The following SLC47A1 variants were observed in gnomAD, a reference collection of about 807,000 sequenced individuals.
SLC47A1 encodes multidrug and toxin extrusion protein 1.
SLC47A1 carries 58 observed loss-of-function variants against 65.8 expected under a neutral mutation model. The ratio of observed to expected loss-of-function variants is 0.88; its 90% CI spans 0.71 to 1.10. The LOEUF (loss-of-function observed/expected upper bound fraction) is 1.10. SLC47A1 is among the 50% of genes least tolerant of loss of function. The pLI is 0.00. For synonymous variants in SLC47A1, 285 were observed against 295.0 expected, an observed-to-expected ratio of 0.97 and a Z score of 0.35; for missense variants, 706 against 719.2, an observed-to-expected ratio of 0.98 and a Z score of 0.21.
intron 5 of SLC47A1, among the ~76,000 whole-genome samples, chr17:19,550,877 C>T (rs756775928): frequency 6.6e-6 from 1 of 152,112 alleles, no homozygotes; most frequent in African/African-American, 2.4e-5. Flanking sequence ...TATGAGGACA[C>T]GAGTCCTATT....
chr17:19,537,228 C>T (rs767679299), intron 1 of SLC47A1, among the ~76,000 whole-genome samples: 1 of 152,052 alleles, frequency 6.6e-6, no homozygotes, highest in Non-Finnish European at 1.5e-5. Context: ...AGCTGGCGGA[C>T]CTTCTAGGGT....
At chr17:19,540,849 GAC>G (rs144308134) in intron 1 of SLC47A1, among the ~76,000 whole-genome samples, 1,633 of 142,918 alleles carry the variant, frequency 0.011, 19 homozygotes, top group African/African-American at 0.037. Context: ...TCCTACAACA[GAC>G]ACACACACAC....
intron 2 of SLC47A1, among the ~76,000 whole-genome samples, chr17:19,542,953 G>A (rs1393365578): frequency 6.6e-6 from 1 of 151,086 alleles, no homozygotes; most frequent in East Asian, 1.9e-4. Context: ...CACCACACTT[G>A]GTTAATATTT....
At chr17:19,565,935 T>C (rs1274422553) in intron 12 of SLC47A1, among the ~76,000 whole-genome samples, 1 of 152,178 alleles carries the variant, frequency 6.6e-6, no homozygotes, top group East Asian at 1.9e-4. Context: ...AAGTTTTCAA[T>C]TGCGTGCGGT....
At position 19,554,564 on chromosome 17, in the gene SLC47A1, G is replaced by A. The variant is rs1051263234; in HGVS notation, c.544-648G>A. On this transcript the variant is annotated intron_variant, in intron 6 of 16. Coordinates refer to ENST00000270570, the MANE Select transcript of SLC47A1 (RefSeq NM_018242.3). ...AGTAATGACACTTTATGGGGACAGC[G>A]TGACCTTGGGAGAAAGGAGGTTTCC... Among the ~76,000 whole-genome samples the A allele has an allele frequency of 3.9e-5, 6 of 152,166 alleles. No homozygotes were observed. In the South Asian group the frequency reaches 1.2e-3, roughly 32 times the overall value.
At position 19,544,863 on chromosome 17, in the gene SLC47A1, C is replaced by A. The variant is rs550345446; in HGVS notation, c.238-1572C>A. On this transcript the variant is annotated intron_variant, in intron 2 of 16. Coordinates refer to ENST00000270570, the MANE Select transcript of SLC47A1 (RefSeq NM_018242.3). ...TTCCAAACTTGTACATGTCCTTACC[C>A]ATCCAAGATCTTGTAACCGTAATAG... 1.7e-4 allele frequency among the ~76,000 whole-genome samples: 26 copies of A among 152,342 alleles called. No homozygotes were observed. In the East Asian group the frequency reaches 5.0e-3, roughly 29 times the overall value.
chr17:19,575,385 T>C (rs2084431688), intron 16 of SLC47A1, among the ~76,000 whole-genome samples: 1 of 150,900 alleles, frequency 6.6e-6, no homozygotes. Context: ...TTTAGGACAT[T>C]TTCTTATTAT....
rs1359675961 is a variant in SLC47A1 at position 19,571,465 on chromosome 17, T to C, written c.1310-13T>C. ...CTATGGAATTAACCTCTATTAAATA[T>C]TTCTATTTCTAGGTCTGTGGTCAGG... On this transcript the variant is annotated splice_polypyrimidine_tract_variant and intron_variant, in intron 14 of 16. Transcript: ENST00000270570. The C allele has an allele frequency of 6.2e-7, 1 of 1,608,962 alleles. No individual in the cohort carries two copies. The highest frequency in any genetic ancestry group is 8.5e-7 in the Non-Finnish European group (1 of 1,176,994).
At chr17:19,571,894 ATGT>A (rs1470413752) in intron 15 of SLC47A1, among the ~76,000 whole-genome samples, 4 of 152,144 alleles carry the variant, frequency 2.6e-5, no homozygotes, top group Non-Finnish European at 5.9e-5. Flanking sequence ...AGTCATCCTG[ATGT>A]TGTTTTTATG....
chr17:19,555,785 C>T lies in SLC47A1; in HGVS notation c.740-11C>T, dbSNP rs1177416776. On this transcript the variant is annotated splice_polypyrimidine_tract_variant and intron_variant, in intron 8 of 16. Coordinates refer to ENST00000270570, the MANE Select transcript of SLC47A1 (RefSeq NM_018242.3). Reference sequence around the variant, plus strand: ...CCAGATCTCCTGGAAATGTGTGTGTCCCCCCCACAGGCTGGTCCCTCGAGT... The same window carrying T: ...CCAGATCTCCTGGAAATGTGTGTGTTCCCCCCACAGGCTGGTCCCTCGAGT... 3 of 1,610,892 alleles carry T rather than the reference C, an allele frequency of 1.9e-6. No homozygotes were observed. Among genetic ancestry groups the T allele is most frequent in the Non-Finnish European group, 1.7e-6 (2 of 1,178,234 alleles).
At chr17:19,542,161 CA>C (rs763802957) in intron 1 of SLC47A1, among the ~76,000 whole-genome samples, 1 of 152,014 alleles carries the variant, frequency 6.6e-6, no homozygotes, top group Non-Finnish European at 1.5e-5. Flanking sequence ...GGGAAGTTCT[CA>C]AAAAAGTGAT....
intron 15 of SLC47A1, among the ~76,000 whole-genome samples, chr17:19,572,575 GC>G (rs1398587114): frequency 1.3e-5 from 2 of 152,080 alleles, no homozygotes; most frequent in Non-Finnish European, 2.9e-5. Context: ...TCTCTCCTCA[GC>G]CCCCCAAAGT....
At chr17:19,536,863 T>TTGA (rs1916000608) in intron 1 of SLC47A1, among the ~76,000 whole-genome samples, 1 of 152,206 alleles carries the variant, frequency 6.6e-6, no homozygotes, top group Admixed American at 6.5e-5. Context: ...AAGTTAACCC[T>TTGA]GACCCTTGAG....
chr17:19,569,389 T>A (rs2084383194), intron 14 of SLC47A1, among the ~76,000 whole-genome samples: 1 of 151,090 alleles, frequency 6.6e-6, no homozygotes, highest in African/African-American at 2.4e-5. Flanking sequence ...AAAGCGTAAC[T>A]AATTGTGCAA....
chr17:19,547,954 A>C, intron 3 of SLC47A1, 31 bp from the exon 4 acceptor site: 1 of 1,594,584 alleles, frequency 6.3e-7, no homozygotes, highest in Non-Finnish European at 8.6e-7. Context: ...GGTCTGTGCT[A>C]ATGGGCTCAT....
At position 19,556,059 on chromosome 17, in the gene SLC47A1, C is replaced by T; in HGVS notation, c.918C>T (p.Tyr306=). The T allele has an allele frequency of 1.2e-6, 2 of 1,613,852 alleles. No homozygotes were observed. Among genetic ancestry groups the T allele is most frequent in the Non-Finnish European group, 1.7e-6 (2 of 1,180,018 alleles). The change falls in exon 10 of 17, where the codon TAC becomes TAT. Residue 306 remains tyrosine (Y), a synonymous_variant. Transcript: ENST00000270570. ...SIVYELAIIV[Y]MVPAGFSVAA... ...TGTATGAACTGGCCATCATTGTGTACATGGTAAGCAGGGGAGCCGATCATG... is the reference window on the plus strand; with the variant it reads ...TGTATGAACTGGCCATCATTGTGTATATGGTAAGCAGGGGAGCCGATCATG...
chr17:19,562,423 G>C (rs2084318799), intron 12 of SLC47A1, among the ~76,000 whole-genome samples: 1 of 152,004 alleles, frequency 6.6e-6, no homozygotes, highest in African/African-American at 2.4e-5. Flanking sequence ...AAATTAGCTA[G>C]GCGTGGTGAG....
intron 6 of SLC47A1, among the ~76,000 whole-genome samples, chr17:19,554,109 G>C (rs1916534815): frequency 6.6e-6 from 1 of 152,170 alleles, no homozygotes; most frequent in Non-Finnish European, 1.5e-5. Flanking sequence ...AGAGAGACTA[G>C]AGAGGCTGTG....
chr17:19,576,947 A>G (rs2084445179), intron 16 of SLC47A1, among the ~76,000 whole-genome samples: 1 of 152,062 alleles, frequency 6.6e-6, no homozygotes, highest in Non-Finnish European at 1.5e-5. Flanking sequence ...GGGTTTCTCC[A>G]TATTGGTCAG....
Sources: allele counts gnomAD v4.1 joint callset (sites outside exome capture counted in the v4.1 genomes callset), GRCh38; gene constraint gnomAD v4.1.1; transcripts MANE v1.5; gene names NCBI Gene and HGNC (gene_info 2026-07-23, HGNC 2026-07-21).